Variants in GRID2 observed in about 807,000 individuals in gnomAD.
GRID2 encodes the protein glutamate ionotropic receptor delta type subunit 2.
Under a neutral mutation model 114.8 loss-of-function variants are expected in GRID2, and 33 were observed. The observed-to-expected ratio is 0.29, with a 90% CI of 0.22 to 0.38. GRID2 has a LOEUF of 0.38. Among genes scored for constraint, GRID2 ranks in the 10% least tolerant of loss-of-function variants. The probability of loss-of-function intolerance (pLI) is 1.00; values close to 1 mark genes in which losing one functional copy is unlikely to be tolerated. For missense variants in GRID2, 1,184 were observed against 1,257.7 expected (o/e 0.94, Z 0.89); for synonymous variants, 505 against 449.9 (o/e 1.12, Z -1.55).
chr4:92,411,867 G>A (rs567808933), intron 1 of GRID2, among the ~76,000 whole-genome samples: 5 of 151,186 alleles, frequency 3.3e-5, no homozygotes, highest in East Asian at 2.0e-4. Context: ...CACCACGCCC[G>A]GCTAATTTTT....
chr4:93,613,191 G>A (rs907745829), intron 13 of GRID2, among the ~76,000 whole-genome samples: 3 of 148,456 alleles, frequency 2.0e-5, no homozygotes, highest in Non-Finnish European at 4.5e-5. Context: ...CTCTGTATTG[G>A]TTATTCTAGT....
At chr4:92,766,000 A>G (rs1169339055) in intron 2 of GRID2, among the ~76,000 whole-genome samples, 1 of 151,648 alleles carries the variant, frequency 6.6e-6, no homozygotes, top group Non-Finnish European at 1.5e-5. Context: ...GACTTATTAT[A>G]TGTAAGTGAT....
intron 1 of GRID2, among the ~76,000 whole-genome samples, chr4:92,522,745 G>A (rs751474898): frequency 5.9e-5 from 9 of 151,936 alleles, no homozygotes; most frequent in South Asian, 2.1e-4. Context: ...GGAAAATTGA[G>A]AGGAAGGAAT....
intron 1 of GRID2, among the ~76,000 whole-genome samples, chr4:92,524,015 T>C (rs1179354423): frequency 1.3e-5 from 2 of 152,098 alleles, no homozygotes; most frequent in Non-Finnish European, 2.9e-5. Flanking sequence ...TACTTTACTG[T>C]TAACAGCATA....
intron 2 of GRID2, among the ~76,000 whole-genome samples, chr4:92,734,060 G>A (rs1387899799): frequency 2.6e-5 from 4 of 151,946 alleles, no homozygotes; most frequent in African/African-American, 9.7e-5. Flanking sequence ...TTGTTGCAGT[G>A]TTGTTTTGAT....
Position 92,872,168 on chromosome 4 carries a change from G to A in GRID2, c.245-212827G>A, listed in dbSNP as rs146819637. 1.9e-3 allele frequency among the ~76,000 whole-genome samples: 286 copies of A among 152,164 alleles called. 1 individual carries two copies. Among genetic ancestry groups the A allele is most frequent in the Non-Finnish European group, 2.5e-3 (173 of 68,002 alleles). On this transcript the variant is annotated intron_variant, in intron 2 of 15. Coordinates refer to ENST00000282020, the MANE Select transcript of GRID2 (RefSeq NM_001510.4). ...ACAGCTTGTTTCATATCATAATTATGTTAACAATTTATTAGGATAAAATGA... is the reference window on the plus strand; with the variant it reads ...ACAGCTTGTTTCATATCATAATTATATTAACAATTTATTAGGATAAAATGA...
intron 11 of GRID2, among the ~76,000 whole-genome samples, chr4:93,487,111 T>G (rs1045540436): frequency 6.6e-6 from 1 of 151,840 alleles, no homozygotes; most frequent in African/African-American, 2.4e-5. Flanking sequence ...AATTTGTACA[T>G]AAGTTATCCT....
At chr4:93,742,214 A>C (rs573789829) in intron 14 of GRID2, among the ~76,000 whole-genome samples, 1 of 152,288 alleles carries the variant, frequency 6.6e-6, no homozygotes, top group East Asian at 1.9e-4. Flanking sequence ...CCTATGAATA[A>C]ATATGAGTAG....
intron 8 of GRID2, among the ~76,000 whole-genome samples, chr4:93,250,184 C>T (rs563424189): frequency 2.5e-4 from 38 of 152,186 alleles, no homozygotes; most frequent in African/African-American, 6.5e-4. Context: ...GATGAGTTCA[C>T]GTCCTTTGTA....
At chr4:93,684,712 A>G (rs1392580461) in intron 14 of GRID2, among the ~76,000 whole-genome samples, 2 of 152,036 alleles carry the variant, frequency 1.3e-5, no homozygotes, top group South Asian at 2.1e-4. Flanking sequence ...GTGATCAGAT[A>G]TCACGTGGGG....
chr4:93,137,162 C>CTTAA (rs1259038450), intron 4 of GRID2, among the ~76,000 whole-genome samples: 3 of 152,144 alleles, frequency 2.0e-5, no homozygotes, highest in African/African-American at 7.2e-5. Flanking sequence ...CCAAGTCATG[C>CTTAA]TTAACCCTTC....
At chr4:92,998,869 T>C (rs1755367735) in intron 2 of GRID2, among the ~76,000 whole-genome samples, 1 of 151,936 alleles carries the variant, frequency 6.6e-6, no homozygotes, top group Non-Finnish European at 1.5e-5. Flanking sequence ...TGCAATCATT[T>C]CATGGTAAAG....
At chr4:93,000,401 C>T (rs1009825177) in intron 2 of GRID2, among the ~76,000 whole-genome samples, 4 of 151,512 alleles carry the variant, frequency 2.6e-5, no homozygotes, top group African/African-American at 9.7e-5. Flanking sequence ...GATGAAGTTT[C>T]TGATATACCT....
chr4:93,039,563 A>C (rs983412709), intron 2 of GRID2, among the ~76,000 whole-genome samples: 6 of 152,228 alleles, frequency 3.9e-5, no homozygotes, highest in South Asian at 2.1e-4. Context: ...TTACTAGTGT[A>C]TCTGAAGTAA....
intron 2 of GRID2, among the ~76,000 whole-genome samples, chr4:92,965,525 G>A (rs1394653163): frequency 7.6e-6 from 1 of 131,302 alleles, no homozygotes; most frequent in Non-Finnish European, 1.6e-5. Context: ...AAGATGAAGT[G>A]TAATAAAATG....
rs576703746 is a variant in GRID2 at position 92,804,789 on chromosome 4, A to G, written c.244+214503A>G. Among the ~76,000 whole-genome samples the G allele has an allele frequency of 5.3e-5, 8 of 152,178 alleles. No homozygotes were observed. In the South Asian group the frequency reaches 1.7e-3, roughly 32 times the overall value. The stretch of plus-strand genomic sequence containing the variant: ...GAAGTAAAGTATTTCTAGTTTATTC[A>G]TAAGTGTCCTAGTTGAAGTCTTTTT... On this transcript the variant is annotated intron_variant, in intron 2 of 15. Transcript: ENST00000282020.
At chr4:93,311,682 T>C (rs935436193) in intron 8 of GRID2, among the ~76,000 whole-genome samples, 1 of 152,140 alleles carries the variant, frequency 6.6e-6, no homozygotes, top group African/African-American at 2.4e-5. Flanking sequence ...CAGACGAGCA[T>C]TCAGTGGAGA....
intron 1 of GRID2, among the ~76,000 whole-genome samples, chr4:92,377,012 T>A (rs1405927856): frequency 1.3e-5 from 2 of 152,148 alleles, no homozygotes; most frequent in Non-Finnish European, 2.9e-5. Context: ...ATTTTTGCCA[T>A]TGTCTTGGGG....
chr4:93,463,920 T>C (rs9307126), intron 11 of GRID2, among the ~76,000 whole-genome samples: 107,454 of 151,462 alleles, frequency 0.71, 38,479 homozygotes, highest in African/African-American at 0.81. Context: ...ACCTGGGAGG[T>C]GGAGCTTGCA....
Sources: allele counts gnomAD v4.1 joint callset (sites outside exome capture counted in the v4.1 genomes callset), GRCh38; gene constraint gnomAD v4.1.1; transcripts MANE v1.5; gene names NCBI Gene and HGNC (gene_info 2026-07-23, HGNC 2026-07-21).